CYP7B1: variants seen among roughly 807,000 people sequenced by gnomAD.
CYP7B1 encodes cytochrome P450 family 7 subfamily B member 1, also known as cytochrome P450 7B1.
In CYP7B1, 29 loss-of-function variants were observed where a neutral mutation model predicts 42.7. The ratio of observed to expected loss-of-function variants is 0.68; its 90% CI spans 0.51 to 0.93. CYP7B1 has a LOEUF of 0.93. Ranked by LOEUF, CYP7B1 falls within the 40% of genes least tolerant of loss-of-function variation. The pLI is 0.00. For synonymous variants in CYP7B1, 235 were observed against 218.2 expected (o/e 1.08, Z -0.68); for missense variants, 655 against 600.5 (o/e 1.09, Z -0.95).
At chr8:64,734,782 C>T (rs962822332) in intron 1 of CYP7B1, among the ~76,000 whole-genome samples, 2 of 152,172 alleles carry the variant, frequency 1.3e-5, no homozygotes, top group Non-Finnish European at 2.9e-5. Flanking sequence ...TATTTGCTAA[C>T]ATAACTTTTA....
intron 1 of CYP7B1, among the ~76,000 whole-genome samples, chr8:64,748,284 G>A (rs117341412): frequency 0.02 from 3,076 of 152,236 alleles, 56 homozygotes; most frequent in South Asian, 0.081. Flanking sequence ...CACACAGACA[G>A]ACACTCCCCC....
chr8:64,655,916 C>G (rs993833328), intron 1 of CYP7B1, among the ~76,000 whole-genome samples: 1 of 152,150 alleles, frequency 6.6e-6, no homozygotes. Context: ...GAACAGAAAT[C>G]CAAATACTGC....
Position 64,591,927 on chromosome 8 carries a change from T to C in CYP7B1, c.*4715A>G, listed in dbSNP as rs1005474887. Among the ~76,000 whole-genome samples, 1 of 152,148 alleles carries C rather than the reference T, an allele frequency of 6.6e-6. No individual in the cohort carries two copies. Among genetic ancestry groups the C allele is most frequent in the Non-Finnish European group, 1.5e-5 (1 of 68,026 alleles). On this transcript the variant is annotated 3_prime_UTR_variant, in exon 6 of 6. Transcript: ENST00000310193. ...ATGGGGGCGGGCACGGTGGCTCATG[T>C]CTGCAACCCCAGCACTTAGGGAGTC...
intron 1 of CYP7B1, among the ~76,000 whole-genome samples, chr8:64,713,507 G>T (rs1186044419): frequency 6.6e-6 from 1 of 151,912 alleles, no homozygotes; most frequent in African/African-American, 2.4e-5. Context: ...ACATGAACTT[G>T]AAAAGAAAGA....
In CYP7B1 at chr8:64,616,026, G is replaced by T. The variant is rs569241534; in HGVS notation, c.515C>A (p.Thr172Asn). 1.8e-5 allele frequency: 29 copies of T among 1,613,714 alleles called. No homozygotes were observed. The East Asian group carries it at 6.5e-4, about 36-fold the overall frequency. ...CAGTTCTGCCGTGTCCCAACTTGTG[G>T]TTTTTAACAGCTGGGGTTCAAAAAC... The part of the protein sequence containing the change: ...KQVFEPQLLK[T>N]TSWDTAELYP... The change falls in exon 3 of 6, where the codon ACC becomes AAC. Residue 172 changes from threonine (T) to asparagine (N), a missense_variant. By Grantham distance (65) the Thr-to-Asn change is moderately conservative. Transcript: ENST00000310193.
chr8:64,646,872 C>A (rs76181517), intron 1 of CYP7B1, among the ~76,000 whole-genome samples: 1 of 152,136 alleles, frequency 6.6e-6, no homozygotes, highest in African/African-American at 2.4e-5. Context: ...CTTTCTCACA[C>A]GTGTGTTCAC....
intron 1 of CYP7B1, among the ~76,000 whole-genome samples, chr8:64,712,913 T>A (rs1016164754): frequency 2.0e-5 from 3 of 152,120 alleles, no homozygotes; most frequent in African/African-American, 7.2e-5. Context: ...ATGGTAAAAG[T>A]AAGATGTCGA....
rs964453595 is a variant in CYP7B1 at position 64,595,631 on chromosome 8, A to G, written c.*1011T>C. On this transcript the variant is annotated 3_prime_UTR_variant, in exon 6 of 6. Coordinates refer to ENST00000310193, the MANE Select transcript of CYP7B1 (RefSeq NM_004820.5). ...CAGATACTCTCTCAATTGAAAAAAA[A>G]TCTTTGAATTATTGACACAATGCTG... 6.6e-6 allele frequency among the ~76,000 whole-genome samples: 1 copy of G among 152,224 alleles called. No individual in the cohort carries two copies.
intron 5 of CYP7B1, among the ~76,000 whole-genome samples, chr8:64,602,805 T>C (rs992200522): frequency 6.6e-6 from 1 of 152,192 alleles, no homozygotes; most frequent in African/African-American, 2.4e-5. Flanking sequence ...AGCATCTACT[T>C]ATTGCCATAT....
chr8:64,697,366 T>G (rs541219465), intron 1 of CYP7B1, among the ~76,000 whole-genome samples: 17 of 149,582 alleles, frequency 1.1e-4, no homozygotes, highest in African/African-American at 4.3e-4. Flanking sequence ...ACTCATTCAG[T>G]TTTTTATGAC....
intron 1 of CYP7B1, among the ~76,000 whole-genome samples, chr8:64,661,238 C>G (rs2129631426): frequency 6.6e-6 from 1 of 152,244 alleles, no homozygotes; most frequent in South Asian, 2.1e-4. Context: ...TGGGGATGGC[C>G]TTTCTGAACT....
Position 64,595,349 on chromosome 8 carries a change from T to C in CYP7B1, c.*1293A>G, listed in dbSNP as rs551778113. ...GTTATTTTTAAAGTCAGTTTCCTTT[T>C]CTCAAAACAGTAGCAGATTTCTGAA... On this transcript the variant is annotated 3_prime_UTR_variant, in exon 6 of 6. Coordinates refer to ENST00000310193, the MANE Select transcript of CYP7B1 (RefSeq NM_004820.5). Among the ~76,000 whole-genome samples the C allele has an allele frequency of 9.5e-4, 145 of 152,374 alleles. 1 individual carries two copies. Among genetic ancestry groups the C allele is most frequent in the Admixed American group, 2.8e-3 (43 of 15,302 alleles).
intron 1 of CYP7B1, among the ~76,000 whole-genome samples, chr8:64,761,566 T>C (rs910469205): frequency 1.3e-5 from 2 of 152,150 alleles, no homozygotes; most frequent in African/African-American, 4.8e-5. Flanking sequence ...TGTATATATA[T>C]GTAAGTACAG....
At chr8:64,684,106 CAT>C (rs1190861908) in intron 1 of CYP7B1, among the ~76,000 whole-genome samples, 1 of 152,206 alleles carries the variant, frequency 6.6e-6, no homozygotes, top group Non-Finnish European at 1.5e-5. Context: ...AGGTAAACCC[CAT>C]GAGGGCACAG....
chr8:64,661,523 T>C (rs1481817170), intron 1 of CYP7B1, among the ~76,000 whole-genome samples: 2 of 152,244 alleles, frequency 1.3e-5, no homozygotes, highest in Non-Finnish European at 2.9e-5. Context: ...AAGTTTATCC[T>C]AGATATATCC....
At chr8:64,774,258 G>A (rs1213956972) in intron 1 of CYP7B1, among the ~76,000 whole-genome samples, 1 of 152,180 alleles carries the variant, frequency 6.6e-6, no homozygotes, top group Non-Finnish European at 1.5e-5. Context: ...TAGATTTAGG[G>A]TTCTTTGAGG....
At chr8:64,587,200 C>T (rs975820699), downstream of CYP7B1, among the ~76,000 whole-genome samples, 8 of 152,164 alleles carry the variant, frequency 5.3e-5, no homozygotes, top group African/African-American at 1.9e-4. Context: ...GACGTCCACG[C>T]AGCACTCGCG....
intron 1 of CYP7B1, among the ~76,000 whole-genome samples, chr8:64,750,270 T>C (rs1303382116): frequency 6.6e-6 from 1 of 152,188 alleles, no homozygotes; most frequent in Non-Finnish European, 1.5e-5. Flanking sequence ...TACCTCACTT[T>C]AAAGAGTACG....
intron 1 of CYP7B1, among the ~76,000 whole-genome samples, chr8:64,682,647 T>C (rs761146701): frequency 2.0e-5 from 3 of 152,312 alleles, no homozygotes; most frequent in East Asian, 1.9e-4. Context: ...CTCTGAACAC[T>C]GAAAAGCCTC....
Sources: allele counts gnomAD v4.1 joint callset (sites outside exome capture counted in the v4.1 genomes callset), GRCh38; gene constraint gnomAD v4.1.1; transcripts MANE v1.5; gene names NCBI Gene and HGNC (gene_info 2026-07-23, HGNC 2026-07-21).